SLC18A2: variants seen among roughly 807,000 people sequenced by gnomAD.
SLC18A2 encodes the protein solute carrier family 18 member A2, also known as synaptic vesicular amine transporter.
Under a neutral mutation model 59.2 loss-of-function variants are expected in SLC18A2, and 33 were observed. The observed-to-expected ratio is 0.56, with a 90% CI of 0.42 to 0.75. The LOEUF is 0.75. Ranked by LOEUF, SLC18A2 falls within the 30% of genes least tolerant of loss-of-function variation. The pLI, the probability that SLC18A2 is intolerant of heterozygous loss-of-function variation, is 0.00. For synonymous variants in SLC18A2, 228 were observed against 253.5 expected (o/e 0.90, Z 0.95); for missense variants, 569 against 668.6 (o/e 0.85, Z 1.64).
At chr10:117,276,545 T>C (rs1293799804) in intron 15 of SLC18A2, among the ~76,000 whole-genome samples, 2 of 134,262 alleles carry the variant, frequency 1.5e-5, no homozygotes, top group African/African-American at 5.7e-5. Context: ...ACCCAGGAGG[T>C]AGAGGTTGCA....
rs1280545030 is a variant in SLC18A2, at chr10:117,244,055, C to T, written c.206C>T (p.Ala69Val). 3.7e-6 allele frequency: 6 copies of T among 1,614,166 alleles called. No homozygotes were observed. The highest frequency in any genetic ancestry group is 5.1e-6 in the Non-Finnish European group (6 of 1,180,018). Residue 69 changes from alanine (A) to valine (V), a missense_variant, in exon 3 of 16, where the codon GCC becomes GTC. Around this residue, in one of 2 missense-constraint regions of SLC18A2, gnomAD observed 377 missense variants for 389.8 expected, o/e 0.97. Coordinates refer to ENST00000644641, the MANE Select transcript of SLC18A2 (RefSeq NM_003054.6). ...CAGACGGCCAGGCCAGTGCACACTGCCTCCATCTCAGACAGCTTCCAGAGC... is the reference window on the plus strand; with the variant it reads ...CAGACGGCCAGGCCAGTGCACACTGTCTCCATCTCAGACAGCTTCCAGAGC... ...EIQTARPVHTASISDSFQSIF... is the reference protein window; with the variant it reads ...EIQTARPVHTVSISDSFQSIF...
At chr10:117,253,709 G>A (rs1844190924) in intron 4 of SLC18A2, among the ~76,000 whole-genome samples, 2 of 152,108 alleles carry the variant, frequency 1.3e-5, no homozygotes, top group African/African-American at 4.8e-5. Flanking sequence ...AGCCAGGTGT[G>A]GTGGCATGCA....
Position 117,241,891 on chromosome 10 carries a change from G to A in SLC18A2, c.121+77G>A. The A allele has an allele frequency of 4.3e-6, 6 of 1,402,632 alleles. No individual in the cohort carries two copies. In the South Asian group the frequency reaches 8.0e-5, roughly 19 times the overall value. The allele number at this position is 1,402,632 out of a possible 1,614,324, so 86.9% of individuals were successfully genotyped here. A position where few individuals can be genotyped will look rare whatever the true frequency, so the allele number is the denominator to read the frequency against. ...TCCCCGGCACTCCACTTACCCCTGC[G>A]CGGTCCCGGAGCTCCGCCAAGGCCC... On this transcript the variant is annotated intron_variant, in intron 2 of 15. Coordinates refer to ENST00000644641, the MANE Select transcript of SLC18A2 (RefSeq NM_003054.6).
intron 10 of SLC18A2, among the ~76,000 whole-genome samples, chr10:117,259,099 C>T (rs1233387750): frequency 6.6e-6 from 1 of 152,202 alleles, no homozygotes; most frequent in Non-Finnish European, 1.5e-5. Flanking sequence ...TGCATTACAG[C>T]TTCTTGTTAG....
intron 10 of SLC18A2, among the ~76,000 whole-genome samples, chr10:117,258,719 C>T (rs1293944015): frequency 6.6e-6 from 1 of 151,334 alleles, no homozygotes; most frequent in Non-Finnish European, 1.5e-5. Context: ...GATCTTTCTT[C>T]TGCTGATACC....
At position 117,277,305 on chromosome 10, in the gene SLC18A2, T is replaced by C; in HGVS notation, c.*39T>C. On this transcript the variant is annotated 3_prime_UTR_variant, in exon 16 of 16. Coordinates refer to ENST00000644641, the MANE Select transcript of SLC18A2 (RefSeq NM_003054.6). ...AAAATCATCAAAGTGTTTAATTGTA[T>C]AAAACAGTGTTTCCAGTGACACAAC... is the stretch of plus-strand genomic sequence containing the variant. 1.5e-6 allele frequency: 2 copies of C among 1,296,920 alleles called. No homozygotes were observed. The highest frequency in any genetic ancestry group is 2.2e-6 in the Non-Finnish European group (2 of 902,788). The allele number at this position is 1,296,920 out of a possible 1,614,324, so 80.3% of individuals were successfully genotyped here.
At chr10:117,251,393 G>T (rs1438939893) in intron 3 of SLC18A2, among the ~76,000 whole-genome samples, 1 of 152,180 alleles carries the variant, frequency 6.6e-6, no homozygotes, top group African/African-American at 2.4e-5. Context: ...TGAATAAGGG[G>T]TACAGAGAAT....
chr10:117,256,456 TG>T (rs1416444867), intron 9 of SLC18A2, among the ~76,000 whole-genome samples: 1 of 152,010 alleles, frequency 6.6e-6, no homozygotes, highest in African/African-American at 2.4e-5. Flanking sequence ...CAGCCTGCAC[TG>T]TAGCACTAGA....
chr10:117,270,576 C>G, intron 15 of SLC18A2, 113 bp downstream of exon 15: 1 of 1,263,470 alleles, frequency 7.9e-7, no homozygotes, highest in Non-Finnish European at 1.1e-6. Context: ...GTGAGAATTC[C>G]TTTTTAGTTT....
intron 10 of SLC18A2, among the ~76,000 whole-genome samples, chr10:117,259,025 G>C (rs926171937): frequency 6.6e-6 from 1 of 152,010 alleles, no homozygotes; most frequent in Non-Finnish European, 1.5e-5. Flanking sequence ...CCGTTGCAGC[G>C]CCACATAGAA....
At chr10:117,242,607 C>G (rs1207229685) in intron 2 of SLC18A2, among the ~76,000 whole-genome samples, 1 of 152,150 alleles carries the variant, frequency 6.6e-6, no homozygotes, top group Admixed American at 6.5e-5. Context: ...TGGAGCTCAT[C>G]CCTGTTCAGT....
At chr10:117,243,299 G>A (rs363386) in intron 2 of SLC18A2, among the ~76,000 whole-genome samples, 3,998 of 152,230 alleles carry the variant, frequency 0.026, 186 homozygotes, top group African/African-American at 0.092. Context: ...CTCTCTTAAC[G>A]TCAGGCCACA....
intron 12 of SLC18A2, 22 bp from the exon 13 acceptor site, chr10:117,267,651 T>A (rs894263884): frequency 6.6e-7 from 1 of 1,525,628 alleles, no homozygotes; most frequent in Admixed American, 1.7e-5. Flanking sequence ...TATTTTAGCA[T>A]AATGTTTATT....
In SLC18A2 at chr10:117,269,203, A is replaced by G. The variant is rs538662831; in HGVS notation, c.1187-868A>G. 1.1e-5 allele frequency among the ~76,000 whole-genome samples: 1 copy of G among 94,598 alleles called. No homozygotes were observed. Among genetic ancestry groups the G allele is most frequent in the East Asian group, 3.0e-4 (1 of 3,366 alleles). 62.1% of individuals were successfully genotyped at this position (94,598 alleles called of 152,430 possible). A position where few individuals can be genotyped will look rare whatever the true frequency, so the allele number is the denominator to read the frequency against. ...CACACATACACACACACCTACACACATACACATACACACACATACACAAAT... is the reference window on the plus strand; with the variant it reads ...CACACATACACACACACCTACACACGTACACATACACACACATACACAAAT... On this transcript the variant is annotated intron_variant, in intron 13 of 15. Transcript: ENST00000644641. The surrounding 1 kb of genome is among the most constrained non-coding windows in gnomAD (Gnocchi z 5.1).
rs1844202703 is a variant in SLC18A2, at chr10:117,254,443, G to A, written c.646G>A (p.Glu216Lys). ...TGCCAGTGTCTACACAGATGATGAA[G>A]AGAGAGGCAACGTCATGGGAATCGC... Reference protein sequence around the residue: ...MLASVYTDDEERGNVMGIALG... With the variant: ...MLASVYTDDEKRGNVMGIALG... Residue 216 changes from glutamate to lysine, a missense_variant, in exon 6 of 16, where the codon GAG (glutamate) becomes AAG (lysine). Transcript: ENST00000644641. 6.2e-7 allele frequency: 1 copy of A among 1,610,340 alleles called. No individual in the cohort carries two copies. Among genetic ancestry groups the A allele is most frequent in the South Asian group, 1.1e-5 (1 of 90,572 alleles).
At chr10:117,247,577 C>T (rs1214762226) in intron 3 of SLC18A2, among the ~76,000 whole-genome samples, 2 of 152,234 alleles carry the variant, frequency 1.3e-5, no homozygotes, top group African/African-American at 4.8e-5. Flanking sequence ...GACTTGGGCT[C>T]TTCCTGGTTG....
rs1038264489 is a variant in SLC18A2, at chr10:117,253,325, A to G, written c.465-74A>G. On this transcript the variant is annotated intron_variant, in intron 3 of 15. Coordinates refer to ENST00000644641, the MANE Select transcript of SLC18A2 (RefSeq NM_003054.6). ...ATCTGTCTGATCCCAAAGGGTAGCCAGGCGAAAATCAATATAAAGCCTTAA... is the reference window on the plus strand; with the variant it reads ...ATCTGTCTGATCCCAAAGGGTAGCCGGGCGAAAATCAATATAAAGCCTTAA... 4.6e-6 allele frequency: 5 copies of G among 1,094,058 alleles called. No individual in the cohort carries two copies. The African/African-American group carries it at 6.2e-5, about 14-fold the overall frequency. The allele number at this position is 1,094,058 out of a possible 1,614,324, so 67.8% of individuals were successfully genotyped here.
chr10:117,258,339 A>G (rs772882080), intron 10 of SLC18A2, among the ~76,000 whole-genome samples: 3 of 152,184 alleles, frequency 2.0e-5, no homozygotes, highest in Non-Finnish European at 4.4e-5. Flanking sequence ...TTTCATGCTC[A>G]TCTTTCTCCC....
At chr10:117,254,675 G>C (rs1844206014) in intron 6 of SLC18A2, among the ~76,000 whole-genome samples, 178 bp downstream of exon 6, 1 of 152,180 alleles carries the variant, frequency 6.6e-6, no homozygotes. Context: ...GCCCTGAGCT[G>C]GGGGTGGAGG....
Sources: allele counts gnomAD v4.1 joint callset (sites outside exome capture counted in the v4.1 genomes callset), GRCh38; gene constraint gnomAD v4.1.1; regional missense constraint gnomAD v4.1.1; non-coding constraint Gnocchi (gnomAD v3.1); transcripts MANE v1.5; gene names NCBI Gene and HGNC (gene_info 2026-07-23, HGNC 2026-07-21).